Variants in PALS1 observed in about 807,000 individuals in gnomAD.
The protein encoded by PALS1 is protein PALS1.
In PALS1, 31 loss-of-function variants were observed where a neutral mutation model predicts 78.9. The observed-to-expected ratio is 0.39, with a 90% confidence interval of 0.30 to 0.53. The LOEUF (loss-of-function observed/expected upper bound fraction) is 0.53. Ranked by LOEUF, PALS1 falls within the 20% of genes least tolerant of loss-of-function variation. The probability of loss-of-function intolerance (pLI) is 0.67; values close to 1 mark genes in which losing one functional copy is unlikely to be tolerated. For synonymous variants in PALS1, 276 were observed against 270.9 expected, an observed-to-expected ratio of 1.02 and a Z score of -0.18; for missense variants, 704 against 826.5, an observed-to-expected ratio of 0.85 and a Z score of 1.82.
rs2084960257 is a variant in PALS1, at chr14:67,303,645, G to A, written c.1041+46G>A. 1.6e-5 allele frequency: 21 copies of A among 1,301,504 alleles called. No individual in the cohort carries two copies. In the East Asian group the frequency reaches 4.8e-4, roughly 30 times the overall value. 80.6% of individuals were successfully genotyped at this position (1,301,504 alleles called of 1,614,324 possible). Reference sequence around the variant, plus strand: ...CATTATTTATGTGTTTGTGGATGCTGTTTACTTCTGTTACTGTTTACTGTT... The same window carrying A: ...CATTATTTATGTGTTTGTGGATGCTATTTACTTCTGTTACTGTTTACTGTT... On this transcript the variant is annotated intron_variant, in intron 8 of 14. Transcript: ENST00000261681.
intron 8 of PALS1, among the ~76,000 whole-genome samples, chr14:67,304,795 CAAT>C (rs1170675996): frequency 1.3e-5 from 2 of 149,418 alleles, no homozygotes; most frequent in African/African-American, 5.0e-5. Context: ...AATTATATAT[CAAT>C]AAAGCTATTT....
chr14:67,303,172 A>G (rs1197164161), intron 7 of PALS1, among the ~76,000 whole-genome samples: 8 of 152,226 alleles, frequency 5.3e-5, no homozygotes, highest in African/African-American at 1.4e-4. Flanking sequence ...AGAAAGTTCT[A>G]TTGGATAGTG....
At chr14:67,322,532 A>G (rs554320481) in intron 13 of PALS1, among the ~76,000 whole-genome samples, 2 of 152,320 alleles carry the variant, frequency 1.3e-5, no homozygotes, top group African/African-American at 4.8e-5. Flanking sequence ...AGAGATGTAC[A>G]TAAAGGAGAA....
At chr14:67,241,921 C>G (rs1216598971) in intron 1 of PALS1, 1 of 152,142 alleles carries the variant, frequency 6.6e-6, no homozygotes, top group Non-Finnish European at 1.5e-5. Context: ...GGGAAATCGG[C>G]GAGGGAACGC....
intron 1 of PALS1, among the ~76,000 whole-genome samples, chr14:67,259,479 T>C (rs1483766221): frequency 1.3e-5 from 2 of 151,824 alleles, no homozygotes; most frequent in Non-Finnish European, 2.9e-5. Flanking sequence ...GGGTGTAGTG[T>C]TGGGCGCCTG....
At chr14:67,323,615 A>AATATATATATATATAT (rs150511527) in intron 13 of PALS1, 87 bp from the exon 14 acceptor site, 18 of 260,310 alleles carry the variant, frequency 6.9e-5, no homozygotes, top group Non-Finnish European at 9.7e-5. Context: ...CCCTTAATCT[A>AATATATATATATATAT]ATATATATAT....
chr14:67,299,533 A>G (rs2084903613), intron 4 of PALS1, among the ~76,000 whole-genome samples: 1 of 152,228 alleles, frequency 6.6e-6, no homozygotes, highest in African/African-American at 2.4e-5. Context: ...TGGTATAGCT[A>G]AAGAACAGTA....
chr14:67,252,031 A>G (rs542675716), intron 1 of PALS1, among the ~76,000 whole-genome samples: 4 of 152,252 alleles, frequency 2.6e-5, no homozygotes, highest in African/African-American at 9.6e-5. Flanking sequence ...GTTTGACTGG[A>G]GAAGGCATGG....
intron 14 of PALS1, among the ~76,000 whole-genome samples, chr14:67,329,749 G>C (rs1260703977): frequency 1.3e-5 from 2 of 152,002 alleles, no homozygotes; most frequent in Non-Finnish European, 2.9e-5. Context: ...AGGCATGGTG[G>C]TGCACGCCTG....
At chr14:67,284,576 A>C (rs10151498) in intron 3 of PALS1, among the ~76,000 whole-genome samples, 23,061 of 143,568 alleles carry the variant, frequency 0.16, 4,235 homozygotes, top group East Asian at 0.44. Flanking sequence ...AAAAAAAAAA[A>C]AAAAAAAAAA....
At chr14:67,246,114 T>A (rs1183868925) in intron 1 of PALS1, among the ~76,000 whole-genome samples, 1 of 151,682 alleles carries the variant, frequency 6.6e-6, no homozygotes, top group East Asian at 1.9e-4. Context: ...TCTATCCTTT[T>A]TATTTTTTAT....
intron 9 of PALS1, among the ~76,000 whole-genome samples, chr14:67,315,554 G>A (rs531682759): frequency 1.3e-5 from 2 of 152,166 alleles, no homozygotes; most frequent in South Asian, 4.1e-4. Flanking sequence ...GGGATTACAG[G>A]CATAAGCCAC....
chr14:67,324,897 ATTTT>A (rs1197663812), intron 14 of PALS1, among the ~76,000 whole-genome samples: 7 of 76,330 alleles, frequency 9.2e-5, no homozygotes, highest in African/African-American at 3.5e-4. Flanking sequence ...CCTTCCTTTC[ATTTT>A]TTTTTTTTTT....
Position 67,317,487 on chromosome 14 carries a change from C to A in PALS1, c.1369+8C>A. The A allele has an allele frequency of 3.2e-6, 5 of 1,583,752 alleles. No homozygotes were observed. The South Asian group carries it at 4.5e-5, about 14-fold the overall frequency. ...ATGCCAATAAAAATGATGGTAAGTT[C>A]TACTCTCAGGGATAGGTGGAATTAT... is the stretch of plus-strand genomic sequence containing the variant. On this transcript the variant is annotated splice_region_variant and intron_variant, in intron 11 of 14. Transcript: ENST00000261681.
chr14:67,327,486 TA>T (rs1291883586), intron 14 of PALS1, among the ~76,000 whole-genome samples: 1 of 152,072 alleles, frequency 6.6e-6, no homozygotes, highest in African/African-American at 2.4e-5. Context: ...ATTTTTATTT[TA>T]TTTTTTTATT....
intron 1 of PALS1, among the ~76,000 whole-genome samples, chr14:67,256,954 C>T (rs1275057241): frequency 3.9e-5 from 6 of 152,260 alleles, no homozygotes; most frequent in South Asian, 4.1e-4. Context: ...GCTAAGGACG[C>T]GGCTGTGACA....
intron 11 of PALS1, among the ~76,000 whole-genome samples, chr14:67,318,924 G>A (rs1198915051): frequency 6.6e-6 from 1 of 152,132 alleles, no homozygotes; most frequent in Non-Finnish European, 1.5e-5. Context: ...CAGGCGTGAT[G>A]GCGGGTGCCT....
chr14:67,277,213 G>C (rs1461725966), intron 2 of PALS1, among the ~76,000 whole-genome samples: 1 of 152,130 alleles, frequency 6.6e-6, no homozygotes, highest in African/African-American at 2.4e-5. Context: ...TGAAAACGAA[G>C]GCAGTCTAAT....
chr14:67,288,554 A>T (rs1210096746), intron 3 of PALS1, among the ~76,000 whole-genome samples: 1 of 152,204 alleles, frequency 6.6e-6, no homozygotes, highest in Non-Finnish European at 1.5e-5. Flanking sequence ...TACTCAGAGA[A>T]GTCTAGTCCC....
Sources: allele counts gnomAD v4.1 joint callset (sites outside exome capture counted in the v4.1 genomes callset), GRCh38; gene constraint gnomAD v4.1.1; transcripts MANE v1.5; gene names NCBI Gene and HGNC (gene_info 2026-07-23, HGNC 2026-07-21).